The following CASD1 variants were observed in gnomAD, a reference collection of about 807,000 sequenced individuals.
CASD1 encodes the protein N-acetylneuraminate (7)9-O-acetyltransferase.
In CASD1, 41 loss-of-function variants were observed where a neutral mutation model predicts 100.0. The observed-to-expected ratio is 0.41, with a 90% CI of 0.32 to 0.53. The LOEUF (loss-of-function observed/expected upper bound fraction) is 0.53, where lower values mean the gene tolerates loss of function less well. CASD1 is among the 20% of genes least tolerant of loss of function. The pLI is 0.25. For synonymous variants in CASD1, 321 were observed against 315.6 expected (o/e 1.02, Z -0.18); for missense variants, 774 against 948.7 (o/e 0.82, Z 2.42).
intron 7 of CASD1, 86 bp downstream of exon 7, chr7:94,533,888 TA>T: frequency 4.2e-6 from 5 of 1,204,424 alleles, no homozygotes; most frequent in Non-Finnish European, 5.6e-6. Context: ...GAAGCAGAAT[TA>T]CTGCTTTATG....
chr7:94,625,223 ATAT>A, the CASD1 span: 8 of 152,130 alleles, frequency 5.3e-5, no homozygotes, highest in African/African-American at 1.7e-4. Flanking sequence ...ATATGATTAA[ATAT>A]TATATATTTA....
chr7:94,568,360 T>C, the CASD1 span, among the ~76,000 whole-genome samples: 604 of 152,258 alleles, frequency 4.0e-3, 11 homozygotes, highest in South Asian at 2.9e-3. Context: ...CTACCATACA[T>C]CATAAAAGTA....
intron 3 of CASD1, among the ~76,000 whole-genome samples, chr7:94,521,015 C>A (rs1373414948): frequency 6.6e-6 from 1 of 151,998 alleles, no homozygotes; most frequent in Non-Finnish European, 1.5e-5. Flanking sequence ...TCACTTGAAC[C>A]CAGGAGGTGG....
At chr7:94,566,522 AT>A in the CASD1 span, among the ~76,000 whole-genome samples, 2 of 151,918 alleles carry the variant, frequency 1.3e-5, no homozygotes, top group Non-Finnish European at 2.9e-5. Context: ...AACTCTTACA[AT>A]TTTTTTTAAA....
In CASD1 at chr7:94,509,971, C is replaced by T; in HGVS notation, c.-114C>T. The T allele has an allele frequency of 8.1e-7, 1 of 1,231,160 alleles. No individual in the cohort carries two copies. 76.3% of individuals were successfully genotyped at this position (1,231,160 alleles called of 1,614,324 possible). A position where few individuals can be genotyped will look rare whatever the true frequency, so the allele number is the denominator to read the frequency against. On this transcript the variant is annotated 5_prime_UTR_variant, in exon 1 of 18. Coordinates refer to ENST00000297273, the MANE Select transcript of CASD1 (RefSeq NM_022900.5). Reference sequence around the variant, plus strand: ...CCCGGCGGGAGGCGCAGGTGGCGGCCTGGGGAGCTGGCGGCCGCTCCTCGC... The same window carrying T: ...CCCGGCGGGAGGCGCAGGTGGCGGCTTGGGGAGCTGGCGGCCGCTCCTCGC...
chr7:94,626,851 C>G, the CASD1 span: 1 of 152,044 alleles, frequency 6.6e-6, no homozygotes, highest in African/African-American at 2.4e-5. Flanking sequence ...AATTAAGGAA[C>G]TTCACTTCTA....
chr7:94,549,031 CA>C (rs1249402983), intron 13 of CASD1, among the ~76,000 whole-genome samples: 1 of 151,840 alleles, frequency 6.6e-6, no homozygotes, highest in Non-Finnish European at 1.5e-5. Flanking sequence ...TCTTTTAACT[CA>C]AATAGTTAAT....
At chr7:94,603,930 G>C in the CASD1 span, among the ~76,000 whole-genome samples, 1 of 151,922 alleles carries the variant, frequency 6.6e-6, no homozygotes, top group African/African-American at 2.4e-5. Context: ...ATGGAGCTTT[G>C]GGTAGACATT....
the CASD1 span, chr7:94,590,388 C>G: frequency 6.6e-6 from 1 of 152,184 alleles, no homozygotes; most frequent in African/African-American, 2.4e-5. Context: ...TCATTGTATT[C>G]TCTGTATATA....
At chr7:94,563,512 T>C in the CASD1 span, among the ~76,000 whole-genome samples, 3 of 152,212 alleles carry the variant, frequency 2.0e-5, no homozygotes, top group African/African-American at 7.2e-5. Context: ...TTTTTCTTGG[T>C]AATTTAGAAG....
chr7:94,510,198 C>T lies in CASD1; in HGVS notation c.114C>T (p.Leu38=). 2.0e-6 allele frequency: 3 copies of T among 1,472,648 alleles called. No homozygotes were observed. The highest frequency in any genetic ancestry group is 2.8e-5 in the South Asian group (2 of 71,662). 91.2% of individuals were successfully genotyped at this position (1,472,648 alleles called of 1,614,324 possible). ...VAVLLLAACH[L]ASRRYRGNDS... is the part of the protein sequence containing the mutation. Reference sequence around the variant, plus strand: ...TGCTGCTGCTCGCAGCGTGCCACCTCGCCTCCCGCCGCTACCGAGGTGAGC... The same window carrying T: ...TGCTGCTGCTCGCAGCGTGCCACCTTGCCTCCCGCCGCTACCGAGGTGAGC... Residue 38 remains leucine (L), a synonymous_variant, in exon 1 of 18, where the codon CTC becomes CTT. Transcript: ENST00000297273.
the CASD1 span, among the ~76,000 whole-genome samples, chr7:94,563,004 T>A: frequency 6.6e-6 from 1 of 152,130 alleles, no homozygotes; most frequent in East Asian, 1.9e-4. Flanking sequence ...AACAACCTGA[T>A]ATGATGGTAC....
chr7:94,534,281 C>G (rs1795005991), intron 7 of CASD1, among the ~76,000 whole-genome samples: 1 of 151,280 alleles, frequency 6.6e-6, no homozygotes, highest in Non-Finnish European at 1.5e-5. Context: ...ATCCTTCCGC[C>G]TCAGCCTCCT....
At chr7:94,552,094 C>T in intron 15 of CASD1, 1 of 394,046 alleles carries the variant, frequency 2.5e-6, no homozygotes, top group Non-Finnish European at 4.5e-6. Flanking sequence ...ATATGGAGAG[C>T]CATCACTGCC....
At chr7:94,526,696 G>A (rs1355352160) in intron 3 of CASD1, among the ~76,000 whole-genome samples, 1 of 152,178 alleles carries the variant, frequency 6.6e-6, no homozygotes, top group Non-Finnish European at 1.5e-5. Context: ...GGGAGGCTGA[G>A]GTGGGAGGAT....
intron 1 of CASD1, among the ~76,000 whole-genome samples, chr7:94,517,038 G>T (rs1794011873): frequency 6.6e-6 from 1 of 151,898 alleles, no homozygotes; most frequent in South Asian, 2.1e-4. Context: ...CGAGTAGCTG[G>T]GACTACAGAT....
chr7:94,588,914 A>G, the CASD1 span: 4 of 636,610 alleles, frequency 6.3e-6, no homozygotes, highest in East Asian at 8.5e-5. Context: ...GAGAATAAAA[A>G]TTAACAATAT....
At chr7:94,559,302 G>GTGTGTA (rs1346951750), downstream of CASD1, among the ~76,000 whole-genome samples, 5 of 138,172 alleles carry the variant, frequency 3.6e-5, no homozygotes, top group African/African-American at 1.2e-4. Context: ...GTGTGTGTGT[G>GTGTGTA]TGTATGTGTG....
the CASD1 span, among the ~76,000 whole-genome samples, chr7:94,633,318 A>C: frequency 6.6e-6 from 1 of 152,124 alleles, no homozygotes; most frequent in Non-Finnish European, 1.5e-5. Flanking sequence ...AAGCATAGCT[A>C]GATTTACAAA....
Sources: gnomAD v4.1 joint callset for allele counts (sites outside exome capture counted in the v4.1 genomes callset) on GRCh38, gnomAD v4.1.1 for gene constraint, MANE v1.5 for transcripts, NCBI Gene and HGNC (gene_info 2026-07-23, HGNC 2026-07-21) for gene names.